The following MEGF10 variants were observed in gnomAD, a reference collection of about 807,000 sequenced individuals.
MEGF10 encodes multiple EGF like domains 10.
MEGF10 carries 86 observed loss-of-function variants against 147.5 expected under a neutral mutation model. The ratio of observed to expected loss-of-function variants is 0.58; its 90% CI spans 0.49 to 0.70. The LOEUF (loss-of-function observed/expected upper bound fraction) is 0.70. Among genes scored for constraint, MEGF10 ranks in the 30% least tolerant of loss-of-function variants. MEGF10 has a pLI of 0.00. For synonymous variants in MEGF10, 478 were observed against 525.5 expected, an observed-to-expected ratio of 0.91 and a Z score of 1.24; for missense variants, 1,329 against 1,487.3, an observed-to-expected ratio of 0.89 and a Z score of 1.75.
the MEGF10 span, among the ~76,000 whole-genome samples, chr5:127,238,503 C>T: frequency 6.6e-6 from 1 of 152,172 alleles, no homozygotes; most frequent in South Asian, 2.1e-4. Flanking sequence ...CATGTAGCAA[C>T]CCAGTGTTGA....
At chr5:127,253,316 A>C in the MEGF10 span, among the ~76,000 whole-genome samples, 12 of 151,972 alleles carry the variant, frequency 7.9e-5, no homozygotes, top group African/African-American at 2.7e-4. Context: ...GATATGAAAG[A>C]AATAGATAAT....
At chr5:127,239,045 C>T in the MEGF10 span, among the ~76,000 whole-genome samples, 4 of 152,180 alleles carry the variant, frequency 2.6e-5, no homozygotes, top group African/African-American at 9.6e-5. Context: ...TCAATCTAAT[C>T]ATGAGTAAAC....
chr5:127,272,276 T>C, the MEGF10 span, among the ~76,000 whole-genome samples: 1 of 152,170 alleles, frequency 6.6e-6, no homozygotes, highest in Non-Finnish European at 1.5e-5. Flanking sequence ...TCTATTTTGT[T>C]CCATTGATCT....
chr5:127,442,008 CTGAG>C (rs1409624941), intron 18 of MEGF10, among the ~76,000 whole-genome samples: 1 of 152,214 alleles, frequency 6.6e-6, no homozygotes, highest in Non-Finnish European at 1.5e-5. Flanking sequence ...CAGATCCTGA[CTGAG>C]TGACACAGTT....
At chr5:127,275,653 T>C in the MEGF10 span, among the ~76,000 whole-genome samples, 1 of 152,228 alleles carries the variant, frequency 6.6e-6, no homozygotes, top group African/African-American at 2.4e-5. Context: ...GGCTAGGATG[T>C]CACAGAAATA....
chr5:127,296,584 A>C (rs1031434256), intron 1 of MEGF10, among the ~76,000 whole-genome samples: 2 of 152,206 alleles, frequency 1.3e-5, no homozygotes, highest in Non-Finnish European at 2.9e-5. Context: ...TTAATGTCTC[A>C]TCTGACCCAG....
chr5:127,357,856 ATATTCC>A (rs767912557), intron 4 of MEGF10, among the ~76,000 whole-genome samples: 3 of 152,186 alleles, frequency 2.0e-5, no homozygotes, highest in Non-Finnish European at 4.4e-5. Flanking sequence ...CACTGGCTTG[ATATTCC>A]TATGTGGCAA....
chr5:127,260,375 T>C, the MEGF10 span, among the ~76,000 whole-genome samples: 1 of 152,030 alleles, frequency 6.6e-6, no homozygotes, highest in Non-Finnish European at 1.5e-5. Context: ...AAGGAGAAAA[T>C]AGGGATTTCT....
At chr5:127,363,251 T>C (rs994995483) in intron 4 of MEGF10, among the ~76,000 whole-genome samples, 7 of 152,210 alleles carry the variant, frequency 4.6e-5, no homozygotes, top group African/African-American at 1.7e-4. Context: ...AGCAGTGTAT[T>C]AGTTACAAAT....
In MEGF10 at chr5:127,322,575, G is replaced by A. The variant is rs137942612; in HGVS notation, c.-18-8716G>A. Among the ~76,000 whole-genome samples, 11 of 152,192 alleles carry A rather than the reference G, an allele frequency of 7.2e-5. No individual in the cohort carries two copies. The East Asian group carries it at 1.2e-3, about 16-fold the overall frequency. ...ACATTGCCCAGTCATTACCATCTACGTGGTACTACTCTCACATTAGATTGT... is the reference window on the plus strand; with the variant it reads ...ACATTGCCCAGTCATTACCATCTACATGGTACTACTCTCACATTAGATTGT... On this transcript the variant is annotated intron_variant, in intron 1 of 24. Transcript: ENST00000503335.
At chr5:127,285,105 A>G in the MEGF10 span, among the ~76,000 whole-genome samples, 4 of 152,194 alleles carry the variant, frequency 2.6e-5, no homozygotes, top group African/African-American at 9.6e-5. Flanking sequence ...GATGTGAATA[A>G]ATATAAATGG....
the MEGF10 span, among the ~76,000 whole-genome samples, chr5:127,268,664 A>G: frequency 6.6e-6 from 1 of 152,240 alleles, no homozygotes; most frequent in African/African-American, 2.4e-5. Context: ...CTCTGGGGGT[A>G]GGGCATAGCC....
upstream of MEGF10, among the ~76,000 whole-genome samples, chr5:127,290,611 C>CA (rs1759201427): frequency 6.6e-6 from 1 of 152,224 alleles, no homozygotes; most frequent in Admixed American, 6.5e-5. Context: ...AGGGGCGACT[C>CA]ACGATCGAGG....
chr5:127,285,010 A>G, the MEGF10 span, among the ~76,000 whole-genome samples: 1 of 152,214 alleles, frequency 6.6e-6, no homozygotes, highest in South Asian at 2.1e-4. Flanking sequence ...ATCTCATAAA[A>G]TCCTTGTGGA....
intron 18 of MEGF10, among the ~76,000 whole-genome samples, chr5:127,441,068 C>T (rs1159534906): frequency 2.6e-5 from 4 of 152,280 alleles, no homozygotes; most frequent in Non-Finnish European, 2.9e-5. Context: ...CTGCTCTGGG[C>T]GGAGGAGGTG....
At chr5:127,411,294 CTT>C (rs1263664902) in intron 9 of MEGF10, among the ~76,000 whole-genome samples, 5 of 152,196 alleles carry the variant, frequency 3.3e-5, no homozygotes, top group Non-Finnish European at 7.3e-5. Context: ...ATACACATAA[CTT>C]AGAATTCTGG....
chr5:127,390,376 A>G (rs939691568), intron 5 of MEGF10, among the ~76,000 whole-genome samples: 7 of 151,908 alleles, frequency 4.6e-5, no homozygotes, highest in African/African-American at 1.7e-4. Flanking sequence ...TGCAGCCTCA[A>G]CCTCCTGGGC....
intron 4 of MEGF10, among the ~76,000 whole-genome samples, chr5:127,356,157 C>T (rs938515817): frequency 2.0e-5 from 3 of 152,210 alleles, no homozygotes; most frequent in Non-Finnish European, 4.4e-5. Flanking sequence ...AACCACAAAA[C>T]ATTGACATGA....
intron 6 of MEGF10, 87 bp from the exon 7 acceptor site, chr5:127,398,589 T>A: frequency 6.8e-7 from 1 of 1,476,354 alleles, no homozygotes; most frequent in Non-Finnish European, 9.4e-7. Flanking sequence ...AGAAAGCTTG[T>A]CTATTTTGGG....
Sources: allele counts gnomAD v4.1 joint callset (sites outside exome capture counted in the v4.1 genomes callset), GRCh38; gene constraint gnomAD v4.1.1; transcripts MANE v1.5; gene names NCBI Gene and HGNC (gene_info 2026-07-23, HGNC 2026-07-21).